Variants in TMEM178B observed in about 807,000 individuals in gnomAD.
TMEM178B encodes transmembrane protein 178B.
Under a neutral mutation model 31.0 loss-of-function variants are expected in TMEM178B, and 5 were observed. The observed-to-expected ratio is 0.16, with a 90% CI of 0.08 to 0.34. The LOEUF is 0.34. TMEM178B is among the 10% of genes least tolerant of loss of function. The pLI is 1.00. For missense variants in TMEM178B, 275 were observed against 400.3 expected (o/e 0.69, Z 2.67); for synonymous variants, 164 against 164.0 (o/e 1.00, Z 0.00).
chr7:141,454,971 C>T (rs928225505), intron 3 of TMEM178B, among the ~76,000 whole-genome samples: 1 of 151,808 alleles, frequency 6.6e-6, no homozygotes, highest in Non-Finnish European at 1.5e-5. Context: ...AGGCAGAGGG[C>T]TTGGGGGAGG....
intron 1 of TMEM178B, among the ~76,000 whole-genome samples, chr7:141,175,452 T>C (rs1243738509): frequency 6.6e-6 from 1 of 152,206 alleles, no homozygotes; most frequent in Admixed American, 6.5e-5. Flanking sequence ...CATGCCCTTT[T>C]TTGGTTCCAT....
At chr7:141,453,505 C>T (rs1801904618) in intron 3 of TMEM178B, among the ~76,000 whole-genome samples, 1 of 152,248 alleles carries the variant, frequency 6.6e-6, no homozygotes, top group Admixed American at 6.5e-5. Context: ...ATCTAAGACA[C>T]TCAAATAGTA....
intron 2 of TMEM178B, among the ~76,000 whole-genome samples, chr7:141,420,846 G>C (rs1008191197): frequency 2.4e-4 from 37 of 152,164 alleles, no homozygotes; most frequent in Non-Finnish European, 1.2e-4. Flanking sequence ...TCCATCTCTT[G>C]AGATAAAGAC....
intron 2 of TMEM178B, among the ~76,000 whole-genome samples, chr7:141,300,675 G>T (rs1374816116): frequency 1.3e-5 from 2 of 152,026 alleles, no homozygotes; most frequent in Non-Finnish European, 2.9e-5. Flanking sequence ...CCTGGAGAGT[G>T]GGGGAAAGCT....
At chr7:141,345,358 A>G (rs1460346680) in intron 2 of TMEM178B, among the ~76,000 whole-genome samples, 2 of 152,242 alleles carry the variant, frequency 1.3e-5, no homozygotes, top group Non-Finnish European at 2.9e-5. Flanking sequence ...AATATCAACA[A>G]TTTGAGATTG....
rs181387196 is a variant in TMEM178B at position 141,346,989 on chromosome 7, A to G, written c.497-90619A>G. 1.2e-3 allele frequency among the ~76,000 whole-genome samples: 182 copies of G among 152,084 alleles called. 1 individual carries two copies. The highest frequency in any genetic ancestry group is 4.3e-3 in the African/African-American group (178 of 41,482). On this transcript the variant is annotated intron_variant, in intron 2 of 3. Coordinates refer to ENST00000565468, the MANE Select transcript of TMEM178B (RefSeq NM_001195278.2). ...GCTGTCTCATGATGGAGTTCTCACA[A>G]GATCTGATGGTTTAAGTGTGGTGCC...
At chr7:141,284,215 C>T (rs1351675197) in intron 2 of TMEM178B, among the ~76,000 whole-genome samples, 1 of 152,160 alleles carries the variant, frequency 6.6e-6, no homozygotes, top group Non-Finnish European at 1.5e-5. Flanking sequence ...GGGAGTTGAG[C>T]CTGTCTCCAG....
chr7:141,447,259 T>C (rs1243835514), intron 3 of TMEM178B, among the ~76,000 whole-genome samples: 1 of 151,958 alleles, frequency 6.6e-6, no homozygotes, highest in African/African-American at 2.4e-5. Flanking sequence ...ATGGCTGTTG[T>C]TAGAGAGGGC....
intron 2 of TMEM178B, among the ~76,000 whole-genome samples, chr7:141,331,204 C>G (rs1799293517): frequency 6.6e-6 from 1 of 152,140 alleles, no homozygotes; most frequent in Admixed American, 6.5e-5. Flanking sequence ...ATTTGGGAGT[C>G]TTTGGCATGC....
the TMEM178B span, among the ~76,000 whole-genome samples, chr7:141,501,847 GCT>G: frequency 0.036 from 5,232 of 146,524 alleles, 223 homozygotes; most frequent in African/African-American, 0.11. Flanking sequence ...AGTCTCTCAT[GCT>G]CTCTCTCTCT....
intron 1 of TMEM178B, among the ~76,000 whole-genome samples, chr7:141,145,919 A>G (rs556127362): frequency 1.1e-3 from 165 of 152,274 alleles, no homozygotes; most frequent in African/African-American, 3.9e-3. Flanking sequence ...GTAGTTTGCA[A>G]TTGTTCATCT....
the TMEM178B span, among the ~76,000 whole-genome samples, chr7:141,491,849 G>A: frequency 3.3e-5 from 5 of 152,068 alleles, no homozygotes; most frequent in Non-Finnish European, 7.4e-5. Flanking sequence ...GAATGCCATC[G>A]CGTGCCCTTT....
chr7:141,351,073 A>G lies in TMEM178B; in HGVS notation c.497-86535A>G, dbSNP rs189312236. On this transcript the variant is annotated intron_variant, in intron 2 of 3. Transcript: ENST00000565468. ...AGGAAGTGATGTTAGCAGTGTGACA[A>G]CTAAAACTCAGTGTCTTTGGAACTG... Among the ~76,000 whole-genome samples, 57 of 152,338 alleles carry G rather than the reference A, an allele frequency of 3.7e-4. No homozygotes were observed. The East Asian group carries it at 0.01, about 27-fold the overall frequency.
intron 2 of TMEM178B, among the ~76,000 whole-genome samples, chr7:141,224,326 A>AT (rs1554464884): frequency 1.3e-5 from 2 of 152,248 alleles, no homozygotes; most frequent in Non-Finnish European, 2.9e-5. Context: ...AGCAGCTACC[A>AT]TATCAGACAG....
chr7:141,244,725 T>G (rs547622764), intron 2 of TMEM178B, among the ~76,000 whole-genome samples: 60 of 152,114 alleles, frequency 3.9e-4, no homozygotes, highest in African/African-American at 1.4e-3. Flanking sequence ...TCGAGAGTCA[T>G]GGAATAGAGG....
Position 141,470,832 on chromosome 7 carries a change from A to AT in TMEM178B, c.*46_*47insT, listed in dbSNP as rs904805835. ...TATATATATATAAATATATATATAT[A>AT]ATATACATATATAAAACAAAACAAA... On this transcript the variant is annotated 3_prime_UTR_variant, in exon 4 of 4. Coordinates refer to ENST00000565468, the MANE Select transcript of TMEM178B (RefSeq NM_001195278.2). 13 of 960,786 alleles carry AT rather than the reference A, an allele frequency of 1.4e-5. No individual in the cohort carries two copies. The highest frequency in any genetic ancestry group is 1.7e-5 in the Non-Finnish European group (13 of 773,986). 59.5% of individuals were successfully genotyped at this position (960,786 alleles called of 1,614,324 possible).
chr7:141,383,608 C>T (rs1800371210), intron 2 of TMEM178B, among the ~76,000 whole-genome samples: 1 of 152,036 alleles, frequency 6.6e-6, no homozygotes, highest in Admixed American at 6.6e-5. Context: ...TTTCTTAATC[C>T]AGTATATCAT....
intron 2 of TMEM178B, among the ~76,000 whole-genome samples, chr7:141,300,175 G>A (rs887282991): frequency 6.6e-5 from 10 of 152,180 alleles, no homozygotes; most frequent in African/African-American, 2.2e-4. Context: ...ATCAGGAGGA[G>A]CCACGTGGTG....
At position 141,405,595 on chromosome 7, in the gene TMEM178B, A is replaced by G. The variant is rs376754587; in HGVS notation, c.497-32013A>G. On this transcript the variant is annotated intron_variant, in intron 2 of 3. Transcript: ENST00000565468. ...TTAATTATGTGGTGATTAGCCTCCC[A>G]CTTTTGTCCTCCCCACATCATACAC... Among the ~76,000 whole-genome samples the G allele has an allele frequency of 5.3e-5, 8 of 152,320 alleles. 1 individual carries two copies. The highest frequency in any genetic ancestry group is 1.9e-4 in the East Asian group (1 of 5,184).
Sources: allele counts gnomAD v4.1 joint callset (sites outside exome capture counted in the v4.1 genomes callset), GRCh38; gene constraint gnomAD v4.1.1; transcripts MANE v1.5; gene names NCBI Gene and HGNC (gene_info 2026-07-23, HGNC 2026-07-21).